ZNF347: variants seen among roughly 807,000 people sequenced by gnomAD.
ZNF347 encodes zinc finger protein 347, also known as CTD-2620I22.7.
In ZNF347, 19 loss-of-function variants were observed where a neutral mutation model predicts 12.9. That is an observed-to-expected ratio of 1.47 (90% confidence interval 1.03 to 2.16). ZNF347 has a LOEUF of 2.16. Among genes scored for constraint, ZNF347 ranks in the 30% most tolerant of loss-of-function variants. The pLI is 0.00. For missense variants in ZNF347, 1,005 were observed against 990.6 expected (o/e 1.01, Z -0.19); for synonymous variants, 328 against 340.6 (o/e 0.96, Z 0.41).
intron 1 of ZNF347, among the ~76,000 whole-genome samples, chr19:53,158,297 G>A (rs987026839): frequency 6.6e-6 from 1 of 152,170 alleles, no homozygotes; most frequent in African/African-American, 2.4e-5. Context: ...TTAGAAGAGG[G>A]GTGGGGTCTG....
chr19:53,141,471 C>T lies in ZNF347; in HGVS notation c.1357G>A (p.Gly453Arg), dbSNP rs149906385. The change falls in exon 5 of 5, where the codon GGA becomes AGA. Residue 453 changes from glycine (G) to arginine (R), a missense_variant. Transcript: ENST00000334197. ...SLAIHLVIHT[G>R]EKPYKCHECG... is the part of the protein sequence containing the mutation. The stretch of plus-strand genomic sequence containing the variant: ...TCATGACATTTGTAAGGCTTTTCTC[C>T]GGTGTGAATTACCAGATGAATAGCT... The T allele has an allele frequency of 4.8e-5, 77 of 1,613,916 alleles. No individual in the cohort carries two copies. The Middle Eastern group carries it at 4.9e-4, about 10-fold the overall frequency.
At position 53,135,995 on chromosome 19, in the gene ZNF347, T is replaced by C. The variant is rs1369791018; in HGVS notation, c.*4313A>G. 2 of 152,108 alleles carry C rather than the reference T, an allele frequency of 1.3e-5. No individual in the cohort carries two copies. Among genetic ancestry groups the C allele is most frequent in the African/African-American group, 4.8e-5 (2 of 41,422 alleles). The allele number at this position is 152,108 out of a possible 1,614,324, so 9.4% of individuals were successfully genotyped here. A position where few individuals can be genotyped will look rare whatever the true frequency, so the allele number is the denominator to read the frequency against. ...AAGAAATACCAGCCACAGTAGGAAG[T>C]TGAATTGCCTCCAGGGATTCAATGA... On this transcript the variant is annotated 3_prime_UTR_variant, in exon 5 of 5. Coordinates refer to ENST00000334197, the MANE Select transcript of ZNF347 (RefSeq NM_032584.3).
In ZNF347 at chr19:53,137,336, C is replaced by T. The variant is rs1260011168; in HGVS notation, c.*2972G>A. ...CCCATCTGGCCAAGCTGATAATGTCCGTGTTCCCTCCTTTGGCACTAGATG... is the reference window on the plus strand; with the variant it reads ...CCCATCTGGCCAAGCTGATAATGTCTGTGTTCCCTCCTTTGGCACTAGATG... On this transcript the variant is annotated 3_prime_UTR_variant, in exon 5 of 5. Coordinates refer to ENST00000334197, the MANE Select transcript of ZNF347 (RefSeq NM_032584.3). 1 of 152,300 alleles carries T rather than the reference C, an allele frequency of 6.6e-6. No individual in the cohort carries two copies. Among genetic ancestry groups the T allele is most frequent in the South Asian group, 2.1e-4 (1 of 4,830 alleles). 9.4% of individuals were successfully genotyped at this position (152,300 alleles called of 1,614,324 possible). A position where few individuals can be genotyped will look rare whatever the true frequency, so the allele number is the denominator to read the frequency against.
At position 53,138,547 on chromosome 19, in the gene ZNF347, A is replaced by G. The variant is rs1055572669; in HGVS notation, c.*1761T>C. On this transcript the variant is annotated 3_prime_UTR_variant, in exon 5 of 5. Coordinates refer to ENST00000334197, the MANE Select transcript of ZNF347 (RefSeq NM_032584.3). Reference sequence around the variant, plus strand: ...ACACTGTGGCAGCTTTCAGAGTGTAAGAGTATGAAAACTGCACTTTCTATG... The same window carrying G: ...ACACTGTGGCAGCTTTCAGAGTGTAGGAGTATGAAAACTGCACTTTCTATG... The G allele has an allele frequency of 3.9e-5, 6 of 152,188 alleles. No individual in the cohort carries two copies. Among genetic ancestry groups the G allele is most frequent in the Admixed American group, 1.3e-4 (2 of 15,280 alleles). The allele number at this position is 152,188 out of a possible 1,614,324, so 9.4% of individuals were successfully genotyped here. A position where few individuals can be genotyped will look rare whatever the true frequency, so the allele number is the denominator to read the frequency against.
Position 53,141,629 on chromosome 19 carries a change from G to A in ZNF347, c.1199C>T (p.Pro400Leu). 1 of 1,613,976 alleles carries A rather than the reference G, an allele frequency of 6.2e-7. No homozygotes were observed. Among genetic ancestry groups the A allele is most frequent in the Non-Finnish European group, 8.5e-7 (1 of 1,179,984 alleles). The change falls in exon 5 of 5, where the codon CCT becomes CTT. Residue 400 changes from proline (P) to leucine (L), a missense_variant. Physicochemically the swap from Pro to Leu is moderately conservative, Grantham distance 98. Coordinates refer to ENST00000334197, the MANE Select transcript of ZNF347 (RefSeq NM_032584.3). Reference protein sequence around the residue: ...IHQATHSGEKPYKCNECGKVF... With the variant: ...IHQATHSGEKLYKCNECGKVF... ...CTTGCCACATTCATTACATTTGTAA[G>A]GTTTTTCTCCACTGTGGGTTGCCTG...
chr19:53,136,283 T>G lies in ZNF347; in HGVS notation c.*4025A>C, dbSNP rs1329196288. Reference sequence around the variant, plus strand: ...TGTACCTGCCATTGTTTTACATACATTTTCATGTCACAAAATTTTATTTCT... The same window carrying G: ...TGTACCTGCCATTGTTTTACATACAGTTTCATGTCACAAAATTTTATTTCT... On this transcript the variant is annotated 3_prime_UTR_variant, in exon 5 of 5. Coordinates refer to ENST00000334197, the MANE Select transcript of ZNF347 (RefSeq NM_032584.3). 6.6e-6 allele frequency: 1 copy of G among 151,702 alleles called. No individual in the cohort carries two copies. The highest frequency in any genetic ancestry group is 1.5e-5 in the Non-Finnish European group (1 of 67,980). 9.4% of individuals were successfully genotyped at this position (151,702 alleles called of 1,614,324 possible). A position where few individuals can be genotyped will look rare whatever the true frequency, so the allele number is the denominator to read the frequency against.
At chr19:53,155,318 G>T (rs1447299592) in intron 1 of ZNF347, among the ~76,000 whole-genome samples, 1 of 149,670 alleles carries the variant, frequency 6.7e-6, no homozygotes, top group Non-Finnish European at 1.5e-5. Context: ...GTGTGTGTGT[G>T]TGTGTGTGTG....
At position 53,140,193 on chromosome 19, in the gene ZNF347, C is replaced by T. The variant is rs1010579686; in HGVS notation, c.*115G>A. 2.7e-6 allele frequency: 3 copies of T among 1,107,010 alleles called. No homozygotes were observed. The highest frequency in any genetic ancestry group is 4.9e-5 in the Admixed American group (2 of 40,720). 68.6% of individuals were successfully genotyped at this position (1,107,010 alleles called of 1,614,324 possible). On this transcript the variant is annotated 3_prime_UTR_variant, in exon 5 of 5. Coordinates refer to ENST00000334197, the MANE Select transcript of ZNF347 (RefSeq NM_032584.3). ...GGGATTACAGGCATGAGCCACTGCA[C>T]CCAGCCAGTCATTGCATTTTCAAGG... is the stretch of plus-strand genomic sequence containing the variant.
At chr19:53,146,526 TC>T (rs2090464419) in intron 4 of ZNF347, among the ~76,000 whole-genome samples, 1 of 152,120 alleles carries the variant, frequency 6.6e-6, no homozygotes, top group African/African-American at 2.4e-5. Flanking sequence ...TTCTCCTTTC[TC>T]AGTCTCCCAA....
At chr19:53,149,103 C>T (rs906205332) in intron 3 of ZNF347, 138 bp downstream of exon 3, 2 of 1,509,336 alleles carry the variant, frequency 1.3e-6, no homozygotes, top group African/African-American at 2.8e-5. Flanking sequence ...CCAGTTTCCA[C>T]ATTATGGAGA....
intron 4 of ZNF347, among the ~76,000 whole-genome samples, chr19:53,144,903 T>C (rs1053915014): frequency 2.6e-5 from 4 of 151,834 alleles, no homozygotes; most frequent in Non-Finnish European, 5.9e-5. Flanking sequence ...ACCAAACAAG[T>C]CTCAATAAAT....
chr19:53,146,836 G>A (rs576932451), intron 4 of ZNF347, among the ~76,000 whole-genome samples: 2 of 151,402 alleles, frequency 1.3e-5, no homozygotes, highest in East Asian at 3.9e-4. Context: ...TAGAAAACCT[G>A]AAGACACTAA....
At chr19:53,149,810 T>C (rs901447918) in intron 2 of ZNF347, among the ~76,000 whole-genome samples, 3 of 152,020 alleles carry the variant, frequency 2.0e-5, no homozygotes, top group African/African-American at 4.8e-5. Context: ...AGCTTCAGGA[T>C]AGGGAAACAC....
At position 53,148,757 on chromosome 19, in the gene ZNF347, C is replaced by A. The variant is rs1404647017; in HGVS notation, c.195G>T (p.Glu65Asp). Residue 65 changes from glutamate to aspartate, a missense_variant, in exon 4 of 5, where the codon GAG becomes GAT. By Grantham distance (45) the Glu-to-Asp change is conservative. Transcript: ENST00000334197. ...GTACTTGGCTCTCCAAAGTGAAAGG[C>A]TCCTTCCCTTGCTCCAACATAGAGA... ...SIISMLEQGK[E>D]PFTLESQVQI... The A allele has an allele frequency of 6.2e-7, 1 of 1,613,930 alleles. No homozygotes were observed. Among genetic ancestry groups the A allele is most frequent in the African/African-American group, 1.3e-5 (1 of 74,906 alleles).
intron 4 of ZNF347, among the ~76,000 whole-genome samples, chr19:53,148,074 A>T (rs1051767116): frequency 6.6e-6 from 1 of 152,212 alleles, no homozygotes; most frequent in Non-Finnish European, 1.5e-5. Flanking sequence ...GAAAAAACTG[A>T]AAGCCTTTCT....
chr19:53,156,748 C>T (rs893953142), intron 1 of ZNF347, among the ~76,000 whole-genome samples: 4 of 152,126 alleles, frequency 2.6e-5, no homozygotes, highest in African/African-American at 4.8e-5. Context: ...TATAGCTGGT[C>T]GCTCAGAAGT....
rs1477205845 is a variant in ZNF347, at chr19:53,139,097, A to G, written c.*1211T>C. 6.6e-6 allele frequency: 1 copy of G among 152,126 alleles called. No individual in the cohort carries two copies. Among genetic ancestry groups the G allele is most frequent in the African/African-American group, 2.4e-5 (1 of 41,398 alleles). 9.4% of individuals were successfully genotyped at this position (152,126 alleles called of 1,614,324 possible). ...TCCCCTGCACTATTCCCATCACATA[A>G]TCAGTCACTAATAACTTATTACTCT... On this transcript the variant is annotated 3_prime_UTR_variant, in exon 5 of 5. Transcript: ENST00000334197.
intron 1 of ZNF347, among the ~76,000 whole-genome samples, chr19:53,154,662 A>T (rs1439512550): frequency 6.6e-6 from 1 of 152,154 alleles, no homozygotes; most frequent in African/African-American, 2.4e-5. Flanking sequence ...AGAAAATAGA[A>T]GAGAAAGTGA....
intron 4 of ZNF347, among the ~76,000 whole-genome samples, chr19:53,147,681 C>A (rs571681740): frequency 6.6e-6 from 1 of 152,216 alleles, no homozygotes; most frequent in Non-Finnish European, 1.5e-5. Context: ...ATCAGACCAG[C>A]ATTACCCTGA....
Sources: allele counts gnomAD v4.1 joint callset (sites outside exome capture counted in the v4.1 genomes callset), GRCh38; gene constraint gnomAD v4.1.1; transcripts MANE v1.5; gene names NCBI Gene and HGNC (gene_info 2026-07-23, HGNC 2026-07-21).